Variants in SPATA13 observed in about 807,000 individuals in gnomAD.
SPATA13 encodes spermatogenesis-associated protein 13.
Under a neutral mutation model 104.0 loss-of-function variants are expected in SPATA13, and 50 were observed. The ratio of observed to expected loss-of-function variants is 0.48; its 90% CI spans 0.38 to 0.61. SPATA13 has a LOEUF of 0.61. SPATA13 is among the 20% of genes least tolerant of loss of function. The pLI is 0.00. For synonymous variants in SPATA13, 606 were observed against 667.5 expected (o/e 0.91, Z 1.42); for missense variants, 1,524 against 1,690.6 (o/e 0.90, Z 1.73).
intron 3 of SPATA13, among the ~76,000 whole-genome samples, chr13:24,150,219 C>T (rs989993364): frequency 2.0e-5 from 3 of 152,160 alleles, no homozygotes; most frequent in Non-Finnish European, 2.9e-5. Context: ...CCCACAGCCT[C>T]CACTTCTCCA....
chr13:24,123,592 T>C, intron 3 of SPATA13: 3 of 1,608,584 alleles, frequency 1.9e-6, no homozygotes, highest in Non-Finnish European at 8.5e-7. Flanking sequence ...TCTTTCCTCT[T>C]ACTACAGGCT....
upstream of SPATA13, among the ~76,000 whole-genome samples, chr13:24,160,032 C>T (rs903884388): frequency 6.6e-6 from 1 of 152,170 alleles, no homozygotes; most frequent in Non-Finnish European, 1.5e-5. Flanking sequence ...AGGTGATAGG[C>T]CTTTGAGTCG....
At chr13:24,298,942 G>A (rs1876985702) in intron 11 of SPATA13, among the ~76,000 whole-genome samples, 1 of 152,128 alleles carries the variant, frequency 6.6e-6, no homozygotes, top group Non-Finnish European at 1.5e-5. Context: ...CCACATCACA[G>A]GCAGCCCCTT....
chr13:23,984,846 T>C (rs903725068), intron 2 of SPATA13, among the ~76,000 whole-genome samples: 3 of 152,202 alleles, frequency 2.0e-5, no homozygotes, highest in Admixed American at 1.3e-4. Context: ...GTGCCAGCAC[T>C]TGGAGTTTGA....
At chr13:24,232,432 A>G (rs1872330026) in intron 2 of SPATA13, among the ~76,000 whole-genome samples, 2 of 152,254 alleles carry the variant, frequency 1.3e-5, no homozygotes, top group African/African-American at 4.8e-5. Flanking sequence ...CGCACCCAGA[A>G]ATAATGCTTT....
chr13:24,141,677 G>A (rs151094873), intron 3 of SPATA13, among the ~76,000 whole-genome samples: 132 of 152,332 alleles, frequency 8.7e-4, no homozygotes, highest in East Asian at 1.9e-4. Flanking sequence ...TGCCACGCAG[G>A]GGGTATGGAA....
intron 1 of SPATA13, among the ~76,000 whole-genome samples, chr13:24,194,380 A>G (rs907510394): frequency 1.3e-5 from 2 of 152,216 alleles, no homozygotes; most frequent in Non-Finnish European, 2.9e-5. Flanking sequence ...TAGGACAGGA[A>G]GTGGAGAGGA....
chr13:24,242,172 C>T (rs1282550165), intron 2 of SPATA13, among the ~76,000 whole-genome samples: 1 of 152,034 alleles, frequency 6.6e-6, no homozygotes, highest in African/African-American at 2.4e-5. Context: ...CCATAGACGG[C>T]CAGTTAGGGG....
chr13:24,144,576 G>C (rs1015295972), intron 3 of SPATA13, among the ~76,000 whole-genome samples: 1 of 152,094 alleles, frequency 6.6e-6, no homozygotes, highest in South Asian at 2.1e-4. Flanking sequence ...ATCAGGCACC[G>C]CTGAGCAGCT....
intron 1 of SPATA13, among the ~76,000 whole-genome samples, chr13:24,163,424 A>G (rs1228882152): frequency 1.3e-5 from 2 of 152,174 alleles, no homozygotes; most frequent in African/African-American, 4.8e-5. Flanking sequence ...AAGTTAAATT[A>G]AAAAAGAAGA....
At chr13:24,184,819 T>A (rs892947277) in intron 1 of SPATA13, among the ~76,000 whole-genome samples, 6 of 152,178 alleles carry the variant, frequency 3.9e-5, no homozygotes, top group Admixed American at 2.0e-4. Context: ...ATTTTTTTTT[T>A]AATAAAATAC....
At chr13:24,157,950 A>T (rs572702557), upstream of SPATA13, among the ~76,000 whole-genome samples, 5 of 152,188 alleles carry the variant, frequency 3.3e-5, no homozygotes, top group Non-Finnish European at 5.9e-5. Flanking sequence ...TACCTCAAGG[A>T]TTGTCTTGAG....
chr13:24,085,497 C>T (rs142271500), intron 3 of SPATA13, among the ~76,000 whole-genome samples: 1 of 152,280 alleles, frequency 6.6e-6, no homozygotes, highest in East Asian at 1.9e-4. Context: ...GTCTGGAAGC[C>T]CTGCCCTGTG....
chr13:24,005,555 A>G (rs150969690), intron 2 of SPATA13, among the ~76,000 whole-genome samples: 2 of 152,168 alleles, frequency 1.3e-5, no homozygotes, highest in East Asian at 3.9e-4. Flanking sequence ...GGGCCATTAT[A>G]CAGCTTTCTT....
At chr13:24,258,315 T>C (rs1324766196) in intron 4 of SPATA13, among the ~76,000 whole-genome samples, 1 of 147,026 alleles carries the variant, frequency 6.8e-6, no homozygotes, top group East Asian at 2.0e-4. Flanking sequence ...ATGTGTGAAA[T>C]TGGTCCTTGT....
chr13:24,141,127 T>C (rs1881747355), intron 3 of SPATA13, among the ~76,000 whole-genome samples: 1 of 149,806 alleles, frequency 6.7e-6, no homozygotes, highest in Non-Finnish European at 1.5e-5. Flanking sequence ...CTGAGCAAGA[T>C]CATACCACTG....
intron 3 of SPATA13, among the ~76,000 whole-genome samples, chr13:24,079,113 T>A (rs1373053448): frequency 6.6e-6 from 1 of 151,268 alleles, no homozygotes; most frequent in Non-Finnish European, 1.5e-5. Context: ...TAGGAGGCAG[T>A]GGCAGAAGGG....
At chr13:24,057,631 C>T (rs560194812) in intron 3 of SPATA13, among the ~76,000 whole-genome samples, 1 of 146,792 alleles carries the variant, frequency 6.8e-6, no homozygotes, top group East Asian at 1.9e-4. Context: ...TCCACCCTAC[C>T]CCTATCCCCA....
intron 1 of SPATA13, among the ~76,000 whole-genome samples, chr13:24,184,445 C>A (rs1869018568): frequency 6.6e-6 from 1 of 152,224 alleles, no homozygotes; most frequent in African/African-American, 2.4e-5. Context: ...CAGATACCCT[C>A]ATTTGGATGG....
Sources: gnomAD v4.1 joint callset for allele counts (sites outside exome capture counted in the v4.1 genomes callset) on GRCh38, gnomAD v4.1.1 for gene constraint, MANE v1.5 for transcripts, NCBI Gene and HGNC (gene_info 2026-07-23, HGNC 2026-07-21) for gene names.